NEB: variants seen among roughly 807,000 people sequenced by gnomAD.
The protein encoded by NEB is nemaline myopathy type 2.
Under a neutral mutation model 952.2 loss-of-function variants are expected in NEB, and 512 were observed. The ratio of observed to expected loss-of-function variants is 0.54; its 90% CI spans 0.50 to 0.58. The LOEUF (loss-of-function observed/expected upper bound fraction) is 0.58, where lower values mean the gene tolerates loss of function less well. Among genes scored for constraint, NEB ranks in the 20% least tolerant of loss-of-function variants. The probability of loss-of-function intolerance (pLI) is 0.00; values close to 1 mark genes in which losing one functional copy is unlikely to be tolerated. For missense variants in NEB, 8,428 were observed against 9,231.1 expected (o/e 0.91, Z 3.56); for synonymous variants, 2,900 against 3,149.8 (o/e 0.92, Z 2.66).
At position 151,627,050 on chromosome 2, in the gene NEB, G is replaced by A. The variant is rs180847025; in HGVS notation, c.10299C>T (p.Asp3433=). The part of the protein sequence containing the change: ...PDKLKFTSVT[D]SLEQVLAKNN... Reference sequence around the variant, plus strand: ...TCTTGGCCAGCACCTGCTCTAGAGAGTCAGTCACACTGGTAAATTTCAGCT... The same window carrying A: ...TCTTGGCCAGCACCTGCTCTAGAGAATCAGTCACACTGGTAAATTTCAGCT... The change falls in exon 70 of 182, where the codon GAC becomes GAT. Residue 3433 remains aspartate (D), a synonymous_variant. Transcript: ENST00000397345. The A allele has an allele frequency of 3.1e-6, 5 of 1,613,960 alleles. No individual in the cohort carries two copies. Among genetic ancestry groups the A allele is most frequent in the Non-Finnish European group, 4.2e-6 (5 of 1,179,866 alleles).
rs571212132 is a variant in NEB, at chr2:151,559,127, G to A, written c.19314+1465C>T. Among the ~76,000 whole-genome samples the A allele has an allele frequency of 8.5e-4, 129 of 152,184 alleles. 2 individuals carry two copies. The highest frequency in any genetic ancestry group is 2.8e-3 in the African/African-American group (116 of 41,546). On this transcript the variant is annotated intron_variant, in intron 124 of 181. Coordinates refer to ENST00000397345, the MANE Select transcript of NEB (RefSeq NM_001164508.2). ...CAAACAACCCCATCAAAAAGTAGGC[G>A]AAGGATATGAACAGACACTTCTCAA... is the stretch of plus-strand genomic sequence containing the variant.
intron 129 of NEB, among the ~76,000 whole-genome samples, chr2:151,550,279 A>C (rs963666082): frequency 3.3e-5 from 5 of 151,782 alleles, no homozygotes; most frequent in East Asian, 1.9e-4. Flanking sequence ...AAAAAAAAAA[A>C]AAAAAAAAAA....
rs1436559018 is a variant in NEB at position 151,498,126 on chromosome 2, A to G, written c.24207+134T>C. ...ATTAACTGTATTATAGAAATGGGAA[A>G]GTATATCCTTTTGTAATATAAGATG... On this transcript the variant is annotated intron_variant, in intron 170 of 181. Coordinates refer to ENST00000397345, the MANE Select transcript of NEB (RefSeq NM_001164508.2). 3.3e-6 allele frequency: 5 copies of G among 1,513,812 alleles called. No individual in the cohort carries two copies. In the Admixed American group the frequency reaches 1.0e-4, roughly 31 times the overall value. 93.8% of individuals were successfully genotyped at this position (1,513,812 alleles called of 1,614,324 possible).
At chr2:151,663,908 A>C in intron 44 of NEB, 49 bp from the exon 45 acceptor site, 1 of 1,543,300 alleles carries the variant, frequency 6.5e-7, no homozygotes, top group Non-Finnish European at 8.9e-7. Context: ...AAAGAGAACA[A>C]AGTACCATTT....
At chr2:151,610,210 T>G in intron 80 of NEB, 90 bp from the exon 81 acceptor site, 3 of 1,116,226 alleles carry the variant, frequency 2.7e-6, no homozygotes, top group Non-Finnish European at 2.5e-6. Context: ...TGGACAAGAT[T>G]TTATATTACA....
intron 63 of NEB, among the ~76,000 whole-genome samples, chr2:151,638,548 A>G (rs890230316): frequency 5.9e-5 from 9 of 152,228 alleles, no homozygotes; most frequent in African/African-American, 2.2e-4. Flanking sequence ...GTTGTGACTC[A>G]ATACATCAGA....
intron 106 of NEB, 150 bp from the exon 107 acceptor site, chr2:151,575,949 A>C (rs2096813249): frequency 2.6e-6 from 2 of 763,900 alleles, no homozygotes; most frequent in Non-Finnish European, 4.3e-6. Context: ...TAAGTTACTC[A>C]AATTTGATAT....
At position 151,640,376 on chromosome 2, in the gene NEB, C is replaced by T. The variant is rs768083123; in HGVS notation, c.8664G>A (p.Gln2888=). 1.9e-6 allele frequency: 3 copies of T among 1,613,946 alleles called. No individual in the cohort carries two copies. The highest frequency in any genetic ancestry group is 1.3e-5 in the African/African-American group (1 of 75,052). The change falls in exon 61 of 182, where the codon CAG becomes CAA. Residue 2888 remains glutamine, a synonymous_variant. Transcript: ENST00000397345. ...PDQSDVIHAR[Q]AYDLQSDNMY... ...TCACATCGCTCTGGAGGTCATAGGCCTGCCGAGCATGGATGACGTCGCTCT... is the reference window on the plus strand; with the variant it reads ...TCACATCGCTCTGGAGGTCATAGGCTTGCCGAGCATGGATGACGTCGCTCT...
At chr2:151,509,614 T>C (rs1034777379) in intron 161 of NEB, among the ~76,000 whole-genome samples, 1 of 147,724 alleles carries the variant, frequency 6.8e-6, no homozygotes, top group Non-Finnish European at 1.5e-5. Flanking sequence ...GGAAGAGAGG[T>C]TTTTTTTTTG....
chr2:151,729,231 C>G (rs1431373303), intron 4 of NEB, among the ~76,000 whole-genome samples: 3 of 152,176 alleles, frequency 2.0e-5, no homozygotes, highest in Non-Finnish European at 2.9e-5. Context: ...TAACTCCACA[C>G]AGTAAAACTG....
At chr2:151,696,506 G>T in intron 17 of NEB, 131 bp downstream of exon 17, 1 of 652,140 alleles carries the variant, frequency 1.5e-6, no homozygotes, top group Non-Finnish European at 2.7e-6. Flanking sequence ...TTATACAAAT[G>T]TATACTGTTT....
chr2:151,551,688 G>T, intron 129 of NEB, 50 bp downstream of exon 129: 1 of 1,404,488 alleles, frequency 7.1e-7, no homozygotes, highest in Non-Finnish European at 1.0e-6. Flanking sequence ...CTTCCACAGA[G>T]GCTGATGGAA....
intron 151 of NEB, 23 bp from the exon 152 acceptor site, chr2:151,524,639 T>C: frequency 2.3e-6 from 3 of 1,303,554 alleles, no homozygotes; most frequent in Non-Finnish European, 3.3e-6. Context: ...AGAAAATGTT[T>C]ACTCAAGAGA....
chr2:151,624,851 TG>T (rs2098488371), intron 71 of NEB, among the ~76,000 whole-genome samples: 2 of 152,198 alleles, frequency 1.3e-5, no homozygotes, highest in South Asian at 4.1e-4. Flanking sequence ...GCAGTATTTC[TG>T]GACTGCAAAG....
chr2:151,532,405 T>C (rs145747570), intron 143 of NEB, among the ~76,000 whole-genome samples: 1 of 152,168 alleles, frequency 6.6e-6, no homozygotes, highest in Non-Finnish European at 1.5e-5. Context: ...CATTTTTCCA[T>C]GTCAAAGATG....
Position 151,677,631 on chromosome 2 carries a change from T to A in NEB, c.3708A>T (p.Lys1236Asn), listed in dbSNP as rs1195608343. 1.2e-6 allele frequency: 2 copies of A among 1,613,846 alleles called. No individual in the cohort carries two copies. Among genetic ancestry groups the A allele is most frequent in the African/African-American group, 2.7e-5 (2 of 74,902 alleles). The change falls in exon 34 of 182, where the codon AAA becomes AAT. Residue 1236 changes from lysine (K) to asparagine (N), a missense_variant. Lys to Asn is a moderately conservative substitution (Grantham distance 94, BLOSUM62 0). Coordinates refer to ENST00000397345, the MANE Select transcript of NEB (RefSeq NM_001164508.2). Reference protein sequence around the residue: ...KKYRQHPDTLKFTSIVDSPVM... With the variant: ...KKYRQHPDTLNFTSIVDSPVM... ...CTGGGGAGTCCACAATGCTGGTAAA[T>A]TTGAGGGTGTCTGGATGTTGCCTGT...
chr2:151,550,227 G>A (rs187787674), intron 129 of NEB, among the ~76,000 whole-genome samples: 218 of 130,346 alleles, frequency 1.7e-3, no homozygotes, highest in African/African-American at 6.1e-3. Flanking sequence ...TGATTGCACC[G>A]TTGCACTCCA....
Position 151,551,520 on chromosome 2 carries a change from GC to G in NEB, c.19944+217del, listed in dbSNP as rs577627895. ...TTCTTCTTTGTAACTTGTAAATATT[GC>G]TAAAACATGCCCATTATGTTGGTTT... On this transcript the variant is annotated intron_variant, in intron 129 of 181. Coordinates refer to ENST00000397345, the MANE Select transcript of NEB (RefSeq NM_001164508.2). Among the ~76,000 whole-genome samples, 58 of 152,282 alleles carry G rather than the reference GC, an allele frequency of 3.8e-4. 1 individual carries two copies. The East Asian group carries it at 0.011, about 28-fold the overall frequency.
chr2:151,548,961 T>C (rs1297141527), intron 130 of NEB, among the ~76,000 whole-genome samples: 1 of 152,164 alleles, frequency 6.6e-6, no homozygotes, highest in Non-Finnish European at 1.5e-5. Context: ...CAGCGGCTCA[T>C]TGTGGTCTGC....
Sources: allele counts gnomAD v4.1 joint callset (sites outside exome capture counted in the v4.1 genomes callset), GRCh38; gene constraint gnomAD v4.1.1; transcripts MANE v1.5; gene names NCBI Gene and HGNC (gene_info 2026-07-23, HGNC 2026-07-21).